The following CIP2A variants were observed in gnomAD, a reference collection of about 807,000 sequenced individuals.
The protein encoded by CIP2A is cellular inhibitor of PP2A, also known as protein CIP2A.
In CIP2A, 103 loss-of-function variants were observed where a neutral mutation model predicts 110.9. The ratio of observed to expected loss-of-function variants is 0.93; its 90% CI spans 0.79 to 1.09. CIP2A has a LOEUF of 1.09. Among genes scored for constraint, CIP2A ranks in the 50% least tolerant of loss-of-function variants. The pLI is 0.00. For synonymous variants in CIP2A, 381 were observed against 361.6 expected (o/e 1.05, Z -0.61); for missense variants, 1,088 against 1,038.4 (o/e 1.05, Z -0.66).
intron 1 of CIP2A, 72 bp downstream of exon 1, chr3:108,589,202 C>A: frequency 1.7e-6 from 2 of 1,143,174 alleles, no homozygotes; most frequent in Non-Finnish European, 2.6e-6. Flanking sequence ...GGGGCCGCCA[C>A]TCCTCGGCCT....
At chr3:108,581,912 T>C (rs1375700950) in intron 4 of CIP2A, among the ~76,000 whole-genome samples, 196 bp downstream of exon 4, 4 of 152,174 alleles carry the variant, frequency 2.6e-5, no homozygotes, top group Non-Finnish European at 4.4e-5. Flanking sequence ...TTTTACATTT[T>C]TTCACCAATG....
At chr3:108,575,160 AAT>A (rs1207626227) in intron 8 of CIP2A, 2 of 147,186 alleles carry the variant, frequency 1.4e-5, no homozygotes, top group African/African-American at 4.9e-5. Flanking sequence ...AACTATATGA[AAT>A]ATGAGTGAAT....
intron 8 of CIP2A, chr3:108,575,130 GAATC>G (rs1559698439): frequency 6.6e-6 from 1 of 151,934 alleles, no homozygotes; most frequent in Non-Finnish European, 1.5e-5. Context: ...TCCAAAAAAA[GAATC>G]AATCTAACAA....
chr3:108,580,071 T>C (rs1423234421), intron 5 of CIP2A, among the ~76,000 whole-genome samples: 1 of 152,224 alleles, frequency 6.6e-6, no homozygotes, highest in Non-Finnish European at 1.5e-5. Flanking sequence ...GCAGGATTTG[T>C]GTTAACAAAA....
Position 108,575,468 on chromosome 3 carries a change from GTATA to G in CIP2A, c.894+799_894+802del, listed in dbSNP as rs1215617700. On this transcript the variant is annotated intron_variant, in intron 8 of 20. Coordinates refer to ENST00000295746, the MANE Select transcript of CIP2A (RefSeq NM_020890.3). ...TATACATATACATGTATACATGTGA[GTATA>G]TATACACATATATGCACACATATGT... 3.4e-5 allele frequency among the ~76,000 whole-genome samples: 5 copies of G among 146,342 alleles called. 1 individual carries two copies. The highest frequency in any genetic ancestry group is 7.5e-5 in the Non-Finnish European group (5 of 66,838).
chr3:108,580,436 AAC>A (rs375166090), intron 5 of CIP2A, among the ~76,000 whole-genome samples: 23,718 of 142,030 alleles, frequency 0.17, 2,060 homozygotes, highest in South Asian at 0.27. Context: ...CAGAAATTGA[AAC>A]ACACACACAC....
chr3:108,559,656 A>G, intron 16 of CIP2A, 101 bp downstream of exon 16: 1 of 562,084 alleles, frequency 1.8e-6, no homozygotes. Flanking sequence ...AATGCTAAGG[A>G]GAATTTACTT....
rs1419664235 is a variant in CIP2A at position 108,579,707 on chromosome 3, A to C, written c.550-19T>G. The C allele has an allele frequency of 1.4e-6, 2 of 1,470,144 alleles. No homozygotes were observed. Among genetic ancestry groups the C allele is most frequent in the East Asian group, 4.8e-5 (2 of 42,082 alleles). 91.1% of individuals were successfully genotyped at this position (1,470,144 alleles called of 1,614,324 possible). On this transcript the variant is annotated intron_variant, in intron 5 of 20. Transcript: ENST00000295746. ...CATTACTCTGAGGAAAAAAAAGTTA[A>C]AAAATAAATTAGAATTATAAATTTT...
chr3:108,576,815 A>G (rs1576314888), intron 7 of CIP2A, among the ~76,000 whole-genome samples: 1 of 152,336 alleles, frequency 6.6e-6, no homozygotes, highest in South Asian at 2.1e-4. Flanking sequence ...CACAACTCCA[A>G]GAGGTACTGT....
In CIP2A at chr3:108,581,433, T is replaced by TC. The variant is rs1198932457; in HGVS notation, c.530_531insG (p.Thr178AsnfsTer8). The TC allele has an allele frequency of 6.2e-7, 1 of 1,611,220 alleles. No individual in the cohort carries two copies. Among genetic ancestry groups the TC allele is most frequent in the African/African-American group, 1.3e-5 (1 of 74,876 alleles). Reference sequence around the variant, plus strand: ...TTCTTACCAATGTCTTTATGTGCGTTTGAACAGAAAGATTGTGCCGACAAA... The same window carrying TC: ...TTCTTACCAATGTCTTTATGTGCGTTCTGAACAGAAAGATTGTGCCGACAAA... On this transcript the variant is annotated frameshift_variant, in exon 5 of 21. Transcript: ENST00000295746. LOFTEE classifies it high-confidence loss of function.
intron 20 of CIP2A, 64 bp from the exon 21 acceptor site, chr3:108,551,383 T>A: frequency 8.5e-7 from 1 of 1,171,998 alleles, no homozygotes; most frequent in South Asian, 1.9e-5. Flanking sequence ...ATGTTTTCTC[T>A]ATACATATAT....
intron 13 of CIP2A, among the ~76,000 whole-genome samples, 167 bp downstream of exon 13, chr3:108,562,959 C>G (rs1044112567): frequency 6.6e-6 from 1 of 152,110 alleles, no homozygotes; most frequent in Non-Finnish European, 1.5e-5. Flanking sequence ...TACATCTGAA[C>G]TTTTCATTTA....
chr3:108,563,925 GTT>G (rs1304075396), intron 12 of CIP2A, among the ~76,000 whole-genome samples: 1 of 150,466 alleles, frequency 6.6e-6, no homozygotes, highest in Non-Finnish European at 1.5e-5. Context: ...TACTTAAAAC[GTT>G]TTGTTTTTTG....
At chr3:108,583,752 A>C (rs952454750) in intron 2 of CIP2A, among the ~76,000 whole-genome samples, 1 of 152,224 alleles carries the variant, frequency 6.6e-6, no homozygotes, top group Non-Finnish European at 1.5e-5. Flanking sequence ...TATATTTCAA[A>C]ATATGACTTG....
chr3:108,564,470 G>C (rs1212963076), intron 12 of CIP2A, among the ~76,000 whole-genome samples: 1 of 151,928 alleles, frequency 6.6e-6, no homozygotes, highest in Non-Finnish European at 1.5e-5. Flanking sequence ...AAGTTTTTAA[G>C]AGGCTAATAT....
At chr3:108,575,127 A>T (rs1938528828) in intron 8 of CIP2A, 1 of 152,138 alleles carries the variant, frequency 6.6e-6, no homozygotes, top group Non-Finnish European at 1.5e-5. Flanking sequence ...TTGTCCAAAA[A>T]AAGAATCAAT....
At chr3:108,576,797 C>G (rs987506464) in intron 7 of CIP2A, among the ~76,000 whole-genome samples, 3 of 152,062 alleles carry the variant, frequency 2.0e-5, no homozygotes, top group African/African-American at 7.2e-5. Flanking sequence ...GGGCAGCAAC[C>G]CGCGTTACAC....
chr3:108,588,986 G>C (rs1021317501), intron 1 of CIP2A, among the ~76,000 whole-genome samples: 4 of 152,160 alleles, frequency 2.6e-5, no homozygotes, highest in Non-Finnish European at 4.4e-5. Context: ...AGAAGCAAAG[G>C]AAAAGATAAA....
At position 108,572,953 on chromosome 3, in the gene CIP2A, A is replaced by G. The variant is rs555725411; in HGVS notation, c.894+3318T>C. 1.5e-4 allele frequency among the ~76,000 whole-genome samples: 23 copies of G among 152,144 alleles called. No individual in the cohort carries two copies. In the South Asian group the frequency reaches 4.6e-3, roughly 30 times the overall value. ...ATAATGCAGTAGATTTTTGGTAATTACTCTATCAGGGAAAGGAAGTTACTG... is the reference window on the plus strand; with the variant it reads ...ATAATGCAGTAGATTTTTGGTAATTGCTCTATCAGGGAAAGGAAGTTACTG... On this transcript the variant is annotated intron_variant, in intron 8 of 20. Coordinates refer to ENST00000295746, the MANE Select transcript of CIP2A (RefSeq NM_020890.3).
Sources: allele counts gnomAD v4.1 joint callset (sites outside exome capture counted in the v4.1 genomes callset), GRCh38; gene constraint gnomAD v4.1.1; transcripts MANE v1.5; gene names NCBI Gene and HGNC (gene_info 2026-07-23, HGNC 2026-07-21).